Variants in ZNF704 observed in about 807,000 individuals in gnomAD.
The protein encoded by ZNF704 is glucocorticoid induced gene 1.
ZNF704 carries 10 observed loss-of-function variants against 44.7 expected under a neutral mutation model. That is an observed-to-expected ratio of 0.22 (90% CI 0.14 to 0.38). ZNF704 has a LOEUF of 0.38. Among genes scored for constraint, ZNF704 ranks in the 10% least tolerant of loss-of-function variants. ZNF704 has a pLI of 1.00. For missense variants in ZNF704, 390 were observed against 545.5 expected (o/e 0.71, Z 2.84); for synonymous variants, 211 against 207.6 (o/e 1.02, Z -0.14).
At chr8:80,779,399 A>G (rs1807472986) in intron 2 of ZNF704, among the ~76,000 whole-genome samples, 2 of 152,074 alleles carry the variant, frequency 1.3e-5, no homozygotes, top group African/African-American at 2.4e-5. Flanking sequence ...ACACCACTAC[A>G]TCCAGCTAAT....
chr8:80,853,283 G>A (rs1319341127), intron 1 of ZNF704, among the ~76,000 whole-genome samples: 1 of 152,112 alleles, frequency 6.6e-6, no homozygotes, highest in East Asian at 1.9e-4. Context: ...TGGGAGGGCC[G>A]CTTGGGCCCA....
intron 2 of ZNF704, among the ~76,000 whole-genome samples, chr8:80,717,759 A>T (rs1563529672): frequency 6.6e-6 from 1 of 152,056 alleles, no homozygotes; most frequent in Non-Finnish European, 1.5e-5. Context: ...CCTCCTAGTG[A>T]TCTTGTTGAA....
chr8:80,792,239 C>T (rs982644866), intron 2 of ZNF704, among the ~76,000 whole-genome samples: 1 of 152,046 alleles, frequency 6.6e-6, no homozygotes, highest in Admixed American at 6.6e-5. Context: ...GCTCTCTGAG[C>T]TGGTGGGAGT....
chr8:80,687,587 G>T (rs1349541249), intron 3 of ZNF704, 129 bp from the exon 4 acceptor site: 1 of 645,150 alleles, frequency 1.6e-6, no homozygotes, highest in Non-Finnish European at 2.5e-6. Context: ...GCAACAGCTG[G>T]GTATGTAAGT....
chr8:80,880,542 T>G, the ZNF704 span, among the ~76,000 whole-genome samples: 1 of 152,270 alleles, frequency 6.6e-6, no homozygotes, highest in Non-Finnish European at 1.5e-5. Context: ...TCATCCTTTT[T>G]GTCTCACATT....
At chr8:80,852,934 T>C (rs888942033) in intron 1 of ZNF704, among the ~76,000 whole-genome samples, 2 of 152,224 alleles carry the variant, frequency 1.3e-5, no homozygotes, top group Non-Finnish European at 2.9e-5. Flanking sequence ...ATATGAGCTG[T>C]ATTTTTACAT....
chr8:80,682,738 G>A (rs1818474084), intron 4 of ZNF704, among the ~76,000 whole-genome samples: 1 of 152,202 alleles, frequency 6.6e-6, no homozygotes, highest in South Asian at 2.1e-4. Context: ...GGGGGAGGGG[G>A]GAGGAGGAAA....
chr8:80,713,223 T>C (rs6473248), intron 2 of ZNF704, among the ~76,000 whole-genome samples: 10,850 of 152,232 alleles, frequency 0.071, 1,296 homozygotes, highest in African/African-American at 0.25. Context: ...TCACAATCAG[T>C]TGACTGTAAT....
chr8:80,637,698 GA>G lies in ZNF704; in HGVS notation c.*3667del, dbSNP rs1817684168. 6.6e-6 allele frequency: 1 copy of G among 152,158 alleles called. No individual in the cohort carries two copies. Among genetic ancestry groups the G allele is most frequent in the Non-Finnish European group, 1.5e-5 (1 of 68,022 alleles). The allele number at this position is 152,158 out of a possible 1,614,324, so 9.4% of individuals were successfully genotyped here. On this transcript the variant is annotated 3_prime_UTR_variant, in exon 9 of 9. Coordinates refer to ENST00000327835, the MANE Select transcript of ZNF704 (RefSeq NM_001033723.3). ...CTGCAATATGGTTATGTTCGGGCAG[GA>G]ATTGTCTAATAAAAGGGCACCTTGT...
chr8:80,853,947 A>T (rs1808915873), intron 1 of ZNF704, among the ~76,000 whole-genome samples: 1 of 152,212 alleles, frequency 6.6e-6, no homozygotes, highest in Non-Finnish European at 1.5e-5. Context: ...ATAAAGGAAG[A>T]TATCAACACA....
chr8:80,849,903 C>G (rs1485494334), intron 1 of ZNF704, among the ~76,000 whole-genome samples: 1 of 152,136 alleles, frequency 6.6e-6, no homozygotes, highest in African/African-American at 2.4e-5. Flanking sequence ...TGGAATTCAA[C>G]TTTTTCTGTT....
chr8:80,751,979 G>A (rs908885874), intron 2 of ZNF704, among the ~76,000 whole-genome samples: 2 of 152,094 alleles, frequency 1.3e-5, no homozygotes, highest in African/African-American at 4.8e-5. Flanking sequence ...CCTGACCTCA[G>A]GTGATCCGCC....
At chr8:80,801,572 A>G (rs1311144726) in intron 2 of ZNF704, among the ~76,000 whole-genome samples, 1 of 152,256 alleles carries the variant, frequency 6.6e-6, no homozygotes, top group Non-Finnish European at 1.5e-5. Flanking sequence ...ACTGTTAGTT[A>G]AATAATGAAA....
chr8:80,829,788 A>G (rs1396656845), intron 1 of ZNF704, among the ~76,000 whole-genome samples: 2 of 152,220 alleles, frequency 1.3e-5, no homozygotes, highest in Admixed American at 6.5e-5. Flanking sequence ...TAATCTCTCA[A>G]TAGTAATCAG....
At chr8:80,687,585 T>C in intron 3 of ZNF704, 127 bp from the exon 4 acceptor site, 1 of 659,718 alleles carries the variant, frequency 1.5e-6, no homozygotes, top group African/African-American at 1.8e-5. Context: ...CTGCAACAGC[T>C]GGGTATGTAA....
intron 2 of ZNF704, among the ~76,000 whole-genome samples, chr8:80,718,578 T>G (rs1819111169): frequency 6.6e-6 from 1 of 152,120 alleles, no homozygotes; most frequent in Admixed American, 6.6e-5. Context: ...CTTCTGCCAT[T>G]GTTATGAGAA....
chr8:80,704,600 G>T (rs1011454391), intron 2 of ZNF704, among the ~76,000 whole-genome samples: 10 of 152,188 alleles, frequency 6.6e-5, no homozygotes, highest in African/African-American at 1.7e-4. Context: ...ACCTCTGGGG[G>T]TGGTGGGGGA....
chr8:80,686,910 T>C (rs1033944814), intron 4 of ZNF704, among the ~76,000 whole-genome samples: 1 of 152,146 alleles, frequency 6.6e-6, no homozygotes, highest in Non-Finnish European at 1.5e-5. Flanking sequence ...GAGAGCGAGT[T>C]CATACCGAAG....
intron 5 of ZNF704, among the ~76,000 whole-genome samples, chr8:80,669,420 T>C (rs1818245344): frequency 6.6e-6 from 1 of 152,146 alleles, no homozygotes; most frequent in Non-Finnish European, 1.5e-5. Flanking sequence ...CCAGGTCCTA[T>C]CTCCAGTGCT....
Sources: gnomAD v4.1 joint callset for allele counts (sites outside exome capture counted in the v4.1 genomes callset) on GRCh38, gnomAD v4.1.1 for gene constraint, MANE v1.5 for transcripts, NCBI Gene and HGNC (gene_info 2026-07-23, HGNC 2026-07-21) for gene names.